The following NBEAL1 variants were observed in gnomAD, a reference collection of about 807,000 sequenced individuals.
NBEAL1 encodes the protein neurobeachin-like protein 1.
NBEAL1 carries 273 observed loss-of-function variants against 351.3 expected under a neutral mutation model. The observed-to-expected ratio is 0.78, with a 90% confidence interval of 0.70 to 0.86. NBEAL1 has a LOEUF of 0.86. NBEAL1 is among the 40% of genes least tolerant of loss of function. The pLI is 0.00. For synonymous variants in NBEAL1, 1,050 were observed against 1,086.4 expected, an observed-to-expected ratio of 0.97 and a Z score of 0.66; for missense variants, 2,961 against 3,201.3, an observed-to-expected ratio of 0.92 and a Z score of 1.81.
In NBEAL1 at chr2:203,149,876, A is replaced by G. The variant is rs1237853860; in HGVS notation, c.5462+728A>G. 3.3e-5 allele frequency among the ~76,000 whole-genome samples: 5 copies of G among 152,156 alleles called. No homozygotes were observed. The South Asian group carries it at 8.3e-4, about 25-fold the overall frequency. ...ACTTAGCATAATGTTTTCATTATGT[A>G]GTAGCATGTATCAGTACTTTATTCC... is the stretch of plus-strand genomic sequence containing the variant. On this transcript the variant is annotated intron_variant, in intron 34 of 55. Coordinates refer to ENST00000683969, the MANE Select transcript of NBEAL1 (RefSeq NM_001378026.1).
At position 203,149,110 on chromosome 2, in the gene NBEAL1, G is replaced by A. The variant is rs2063582881; in HGVS notation, c.5424G>A (p.Gln1808=). The change falls in exon 34 of 56, where the codon CAG becomes CAA. Residue 1808 remains glutamine, a synonymous_variant. Coordinates refer to ENST00000683969, the MANE Select transcript of NBEAL1 (RefSeq NM_001378026.1). ...CTCTTAGACGCTGGAAAGCAATACAGCTCTATCTTACATGTGAAAGGGGAC... is the reference window on the plus strand; with the variant it reads ...CTCTTAGACGCTGGAAAGCAATACAACTCTATCTTACATGTGAAAGGGGAC... ...LATLRRWKAI[Q]LYLTCERGPW... is the part of the protein sequence containing the mutation. 1 of 1,607,750 alleles carries A rather than the reference G, an allele frequency of 6.2e-7. No individual in the cohort carries two copies. The highest frequency in any genetic ancestry group is 8.5e-7 in the Non-Finnish European group (1 of 1,176,170).
rs1434812384 is a variant in NBEAL1 at position 203,135,964 on chromosome 2, C to T, written c.4101C>T (p.Asp1367=). 1.9e-6 allele frequency: 3 copies of T among 1,614,040 alleles called. No individual in the cohort carries two copies. Among genetic ancestry groups the T allele is most frequent in the Non-Finnish European group, 2.5e-6 (3 of 1,179,936 alleles). ...QWSLEDRHSL[D]SNTPLFPEDS... ...GTTTGGAGGATAGACACTCTTTAGA[C>T]TCAAACACACCATTATTTCCAGAAG... Residue 1367 remains aspartate (D), a synonymous_variant, in exon 28 of 56, where the codon GAC becomes GAT. Coordinates refer to ENST00000683969, the MANE Select transcript of NBEAL1 (RefSeq NM_001378026.1).
intron 18 of NBEAL1, among the ~76,000 whole-genome samples, chr2:203,117,621 C>A (rs1439667971): frequency 6.6e-6 from 1 of 152,172 alleles, no homozygotes; most frequent in Non-Finnish European, 1.5e-5. Context: ...TCAGTCCTTG[C>A]TGACCTCAGT....
intron 2 of NBEAL1, among the ~76,000 whole-genome samples, chr2:203,031,910 C>G (rs1031204542): frequency 2.6e-5 from 4 of 152,204 alleles, no homozygotes; most frequent in Admixed American, 2.6e-4. Context: ...TCCCCTCCCA[C>G]ATTGTACCAT....
intron 7 of NBEAL1, among the ~76,000 whole-genome samples, chr2:203,071,816 G>A (rs1338141275): frequency 1.1e-4 from 16 of 152,200 alleles, no homozygotes; most frequent in African/African-American, 3.9e-4. Flanking sequence ...GACAGTGGAA[G>A]GAATAAAGGG....
At chr2:203,183,469 G>A (rs1371031173) in intron 44 of NBEAL1, 81 bp downstream of exon 44, 1 of 781,668 alleles carries the variant, frequency 1.3e-6, no homozygotes, top group Non-Finnish European at 2.1e-6. Flanking sequence ...ATCTGACTTA[G>A]TTATTTTTCT....
At chr2:203,024,137 A>G (rs552244785) in intron 2 of NBEAL1, among the ~76,000 whole-genome samples, 2 of 151,616 alleles carry the variant, frequency 1.3e-5, no homozygotes, top group South Asian at 4.2e-4. Flanking sequence ...TTCAGTCTAC[A>G]GTGAGCTGGG....
At chr2:203,076,983 A>G (rs2061786439) in intron 7 of NBEAL1, among the ~76,000 whole-genome samples, 1 of 152,108 alleles carries the variant, frequency 6.6e-6, no homozygotes, top group Non-Finnish European at 1.5e-5. Context: ...GGACAAAAAC[A>G]TTTCCTGGGT....
At chr2:203,157,939 T>C (rs1254678102) in intron 36 of NBEAL1, 114 bp downstream of exon 36, 5 of 758,080 alleles carry the variant, frequency 6.6e-6, no homozygotes, top group Non-Finnish European at 9.5e-6. Flanking sequence ...CAGTTAATGC[T>C]GTATCAGCTG....
intron 8 of NBEAL1, among the ~76,000 whole-genome samples, chr2:203,082,791 A>T (rs925815146): frequency 6.6e-6 from 1 of 152,142 alleles, no homozygotes. Flanking sequence ...AGGTCCTTCA[A>T]TATTCCTATT....
intron 36 of NBEAL1, among the ~76,000 whole-genome samples, chr2:203,163,143 C>G (rs564638638): frequency 1.8e-3 from 281 of 152,214 alleles, no homozygotes; most frequent in African/African-American, 6.5e-3. Context: ...TGTGACAGAG[C>G]AAGACTCCAT....
rs397807683 is a variant in NBEAL1, at chr2:203,210,379, A to AAG, written c.7786-579_7786-578insAG. On this transcript the variant is annotated intron_variant, in intron 53 of 55. Coordinates refer to ENST00000683969, the MANE Select transcript of NBEAL1 (RefSeq NM_001378026.1). ...CATGGCCTCAAAAAAAAAAAAAAAAAGTCTGGGCGCAGTGGCTCACGCCTG... is the reference window on the plus strand; with the variant it reads ...CATGGCCTCAAAAAAAAAAAAAAAAAAGGTCTGGGCGCAGTGGCTCACGCCTG... Among the ~76,000 whole-genome samples, 182 of 136,170 alleles carry AAG rather than the reference A, an allele frequency of 1.3e-3. 3 individuals carry two copies. The East Asian group carries it at 0.038, about 28-fold the overall frequency. The allele number at this position is 136,170 out of a possible 152,430, so 89.3% of individuals were successfully genotyped here.
At chr2:203,125,689 A>G (rs985857835) in intron 20 of NBEAL1, among the ~76,000 whole-genome samples, 169 bp downstream of exon 20, 2 of 152,212 alleles carry the variant, frequency 1.3e-5, no homozygotes, top group Admixed American at 1.3e-4. Flanking sequence ...ACTTTCATCA[A>G]AAAACGACAG....
chr2:203,146,140 TAAATG>T (rs1298600384), intron 33 of NBEAL1, among the ~76,000 whole-genome samples: 2 of 152,100 alleles, frequency 1.3e-5, no homozygotes, highest in Non-Finnish European at 2.9e-5. Context: ...TATGACAACT[TAAATG>T]AAATGGATCA....
intron 7 of NBEAL1, chr2:203,074,618 A>AC (rs891725615): frequency 2.0e-5 from 3 of 151,678 alleles, no homozygotes; most frequent in African/African-American, 4.8e-5. Flanking sequence ...ATGAGCCTCC[A>AC]CCCCCAGCCC....
intron 17 of NBEAL1, 59 bp from the exon 18 acceptor site, chr2:203,115,926 C>G: frequency 8.7e-7 from 1 of 1,144,298 alleles, no homozygotes; most frequent in Non-Finnish European, 1.3e-6. Context: ...TCTGATAACA[C>G]AGAACCAAGG....
At chr2:203,105,677 TTAATA>T (rs1282987730) in intron 12 of NBEAL1, among the ~76,000 whole-genome samples, 1 of 152,174 alleles carries the variant, frequency 6.6e-6, no homozygotes, top group Non-Finnish European at 1.5e-5. Flanking sequence ...ACAAAATATC[TTAATA>T]TAAGAATGAG....
At position 203,157,756 on chromosome 2, in the gene NBEAL1, T is replaced by TAA; in HGVS notation, c.5648_5649dup (p.Val1884LysfsTer10). The TAA allele has an allele frequency of 1.3e-6, 2 of 1,596,830 alleles. No individual in the cohort carries two copies. The highest frequency in any genetic ancestry group is 1.7e-6 in the Non-Finnish European group (2 of 1,172,138). On this transcript the variant is annotated frameshift_variant, in exon 36 of 56. Transcript: ENST00000683969. LOFTEE classifies it high-confidence loss of function. ...TTGCTTTTGGAAGTAGTGAAACAAG[T>TAA]AAAAGTTAGTGATATGGTGGAGGAT...
chr2:203,208,395 C>CA (rs991880945), intron 51 of NBEAL1, among the ~76,000 whole-genome samples: 3 of 152,068 alleles, frequency 2.0e-5, no homozygotes, highest in Admixed American at 2.0e-4. Context: ...AAAATTAACC[C>CA]AAGACTGTCA....
Sources: gnomAD v4.1 joint callset for allele counts (sites outside exome capture counted in the v4.1 genomes callset) on GRCh38, gnomAD v4.1.1 for gene constraint, MANE v1.5 for transcripts, NCBI Gene and HGNC (gene_info 2026-07-23, HGNC 2026-07-21) for gene names.